Variants in RGS9 observed in about 807,000 individuals in gnomAD.
The protein encoded by RGS9 is regulator of G protein signaling 9.
Under a neutral mutation model 102.0 loss-of-function variants are expected in RGS9, and 78 were observed. The ratio of observed to expected loss-of-function variants is 0.76; its 90% confidence interval spans 0.64 to 0.92. The LOEUF (loss-of-function observed/expected upper bound fraction) is 0.92. Ranked by LOEUF, RGS9 falls within the 40% of genes least tolerant of loss-of-function variation. RGS9 has a pLI of 0.00. For missense variants in RGS9, 833 were observed against 866.1 expected (o/e 0.96, Z 0.48); for synonymous variants, 353 against 318.6 (o/e 1.11, Z -1.15).
At chr17:65,209,107 G>T (rs1913186109) in intron 16 of RGS9, among the ~76,000 whole-genome samples, 1 of 152,172 alleles carries the variant, frequency 6.6e-6, no homozygotes, top group Non-Finnish European at 1.5e-5. Context: ...TATTTTAGAA[G>T]TTGGGGCAGA....
At chr17:65,166,824 G>A (rs1012362166) in intron 7 of RGS9, among the ~76,000 whole-genome samples, 1 of 152,202 alleles carries the variant, frequency 6.6e-6, no homozygotes, top group African/African-American at 2.4e-5. Flanking sequence ...AATCCAGTTA[G>A]GCTGTCAGGG....
intron 17 of RGS9, among the ~76,000 whole-genome samples, chr17:65,222,167 G>A (rs898789023): frequency 6.6e-6 from 1 of 152,240 alleles, no homozygotes; most frequent in Non-Finnish European, 1.5e-5. Flanking sequence ...GCTCTCAGCA[G>A]CTGGGGGCCA....
At chr17:65,226,957 A>T (rs1262930657) in intron 18 of RGS9, among the ~76,000 whole-genome samples, 1 of 152,156 alleles carries the variant, frequency 6.6e-6, no homozygotes, top group Non-Finnish European at 1.5e-5. Context: ...AAGTCCTGGT[A>T]TGTCCTACAG....
intron 1 of RGS9, among the ~76,000 whole-genome samples, chr17:65,147,060 C>A (rs984732938): frequency 1.3e-5 from 2 of 152,198 alleles, no homozygotes; most frequent in African/African-American, 4.8e-5. Flanking sequence ...CCCGCAAACA[C>A]CCTCCTGGCG....
intron 12 of RGS9, among the ~76,000 whole-genome samples, chr17:65,196,779 G>T (rs1228655583): frequency 6.6e-6 from 1 of 152,234 alleles, no homozygotes; most frequent in African/African-American, 2.4e-5. Context: ...CCAGGTGGCA[G>T]CCTGACCCTC....
chr17:65,181,941 A>T (rs181437886), intron 9 of RGS9, among the ~76,000 whole-genome samples: 2 of 152,184 alleles, frequency 1.3e-5, no homozygotes, highest in African/African-American at 4.8e-5. Context: ...GAGAGAATTT[A>T]TGGGACTTGT....
Position 65,202,054 on chromosome 17 carries a change from C to A in RGS9, c.1038C>A (p.Val346=). Residue 346 remains valine (V), a synonymous_variant, in exon 14 of 19, where the codon GTC becomes GTA. Transcript: ENST00000262406. The part of the protein sequence containing the change: ...EDLKYGDQSK[V]KEKAEEIYKL... The stretch of plus-strand genomic sequence containing the variant: ...TGAAGTATGGAGATCAGTCCAAAGT[C>A]AAGGAGAAAGCAGAGGAGATTTACA... 1 of 1,613,412 alleles carries A rather than the reference C, an allele frequency of 6.2e-7. No individual in the cohort carries two copies. The highest frequency in any genetic ancestry group is 1.1e-5 in the South Asian group (1 of 91,008).
At chr17:65,215,704 G>A (rs1042190840) in intron 17 of RGS9, among the ~76,000 whole-genome samples, 19 of 123,270 alleles carry the variant, frequency 1.5e-4, no homozygotes, top group African/African-American at 4.2e-5. Context: ...GGGATTACAG[G>A]CACCCACCAC....
chr17:65,147,296 G>A (rs527299786), intron 1 of RGS9, among the ~76,000 whole-genome samples: 5 of 152,332 alleles, frequency 3.3e-5, no homozygotes, highest in East Asian at 3.9e-4. Context: ...GGGTCTGCAC[G>A]CTGGCTGGCT....
intron 8 of RGS9, among the ~76,000 whole-genome samples, chr17:65,169,122 G>A (rs1911310232): frequency 6.6e-6 from 1 of 152,212 alleles, no homozygotes. Context: ...GAAGCAGAAG[G>A]AGAACTGAGT....
At chr17:65,143,691 G>A (rs1910243894) in intron 1 of RGS9, among the ~76,000 whole-genome samples, 1 of 151,910 alleles carries the variant, frequency 6.6e-6, no homozygotes, top group African/African-American at 2.4e-5. Context: ...CTACTAGGGA[G>A]GCTGAGGTGT....
intron 17 of RGS9, chr17:65,210,809 T>A: frequency 1.2e-6 from 1 of 856,416 alleles, no homozygotes; most frequent in Non-Finnish European, 1.8e-6. Flanking sequence ...GGGGACTTCC[T>A]AATACCACAG....
At chr17:65,217,108 G>T (rs1468803410) in intron 17 of RGS9, among the ~76,000 whole-genome samples, 1 of 152,176 alleles carries the variant, frequency 6.6e-6, no homozygotes, top group Non-Finnish European at 1.5e-5. Context: ...GAAGATGGGT[G>T]GGGGATACGG....
chr17:65,153,318 G>T (rs1910650374), intron 1 of RGS9, 104 bp from the exon 2 acceptor site: 1 of 965,020 alleles, frequency 1.0e-6, no homozygotes, highest in East Asian at 2.4e-5. Flanking sequence ...GAACCCCTGT[G>T]TCCACCTTTG....
rs529454214 is a variant in RGS9, at chr17:65,166,971, C to T, written c.501-1229C>T. The stretch of plus-strand genomic sequence containing the variant: ...CAGTACGTTAACGGGGAGATGAATT[C>T]GCCGACTCTGTCTTGCAGAGGGCGT... On this transcript the variant is annotated intron_variant, in intron 7 of 18. Coordinates refer to ENST00000262406, the MANE Select transcript of RGS9 (RefSeq NM_003835.4). Among the ~76,000 whole-genome samples the T allele has an allele frequency of 1.8e-4, 27 of 152,276 alleles. No individual in the cohort carries two copies. The South Asian group carries it at 2.5e-3, about 14-fold the overall frequency.
chr17:65,149,158 G>C (rs1910486322), intron 1 of RGS9, among the ~76,000 whole-genome samples: 2 of 150,112 alleles, frequency 1.3e-5, no homozygotes, highest in Admixed American at 1.3e-4. Context: ...ATGTTTAATA[G>C]AAACGAGGTT....
intron 17 of RGS9, among the ~76,000 whole-genome samples, 192 bp from the exon 18 acceptor site, chr17:65,224,810 G>T (rs1202223067): frequency 6.6e-6 from 1 of 152,218 alleles, no homozygotes; most frequent in Admixed American, 6.5e-5. Flanking sequence ...TCCCTGGACA[G>T]GAGGCCTCTG....
At chr17:65,201,869 A>G (rs1598611675) in intron 13 of RGS9, 124 bp from the exon 14 acceptor site, 18 of 709,628 alleles carry the variant, frequency 2.5e-5, no homozygotes, top group East Asian at 2.8e-5. Flanking sequence ...CTGCGGCAGG[A>G]AAGGTGTTCA....
chr17:65,210,468 C>T lies in RGS9; in HGVS notation c.1290-20C>T, dbSNP rs769820796. ...AGCTGTGTCATTTTCCTCCAACCAC[C>T]AATCTGTCCTTCCTTCCAGCTCCAC... On this transcript the variant is annotated intron_variant, in intron 16 of 18. Transcript: ENST00000262406. The T allele has an allele frequency of 7.5e-5, 121 of 1,612,336 alleles. No homozygotes were observed. Among genetic ancestry groups the T allele is most frequent in the Non-Finnish European group, 8.9e-5 (105 of 1,179,832 alleles).
Sources: gnomAD v4.1 joint callset for allele counts (sites outside exome capture counted in the v4.1 genomes callset) on GRCh38, gnomAD v4.1.1 for gene constraint, MANE v1.5 for transcripts, NCBI Gene and HGNC (gene_info 2026-07-23, HGNC 2026-07-21) for gene names.